ENPEP: variants seen among roughly 807,000 people sequenced by gnomAD.
ENPEP encodes the protein AP-A.
In ENPEP, 103 loss-of-function variants were observed where a neutral mutation model predicts 114.5. The ratio of observed to expected loss-of-function variants is 0.90; its 90% CI spans 0.77 to 1.06. The LOEUF is 1.06. Among genes scored for constraint, ENPEP ranks in the 50% least tolerant of loss-of-function variants. ENPEP has a pLI of 0.00. For synonymous variants in ENPEP, 420 were observed against 422.0 expected (o/e 1.00, Z 0.06); for missense variants, 1,196 against 1,161.3 (o/e 1.03, Z -0.43).
chr4:110,512,203 G>A (rs1725602526), intron 6 of ENPEP, among the ~76,000 whole-genome samples: 1 of 152,170 alleles, frequency 6.6e-6, no homozygotes, highest in African/African-American at 2.4e-5. Context: ...TTATAAGCGA[G>A]CTCAATAAAT....
chr4:110,524,142 C>G lies in ENPEP; in HGVS notation c.1727+3776C>G, dbSNP rs565301673. 4.6e-5 allele frequency among the ~76,000 whole-genome samples: 7 copies of G among 151,836 alleles called. No homozygotes were observed. The East Asian group carries it at 1.2e-3, about 25-fold the overall frequency. ...GTAATATATATATAAGCTCAATCAC[C>G]CTCTTTTAATGGGTAAGTTAATAAA... is the stretch of plus-strand genomic sequence containing the variant. On this transcript the variant is annotated intron_variant, in intron 10 of 19. Coordinates refer to ENST00000265162, the MANE Select transcript of ENPEP (RefSeq NM_001977.4).
Position 110,476,900 on chromosome 4 carries a change from G to A in ENPEP, c.486G>A (p.Glu162=), listed in dbSNP as rs1724132512. The A allele has an allele frequency of 3.7e-6, 6 of 1,614,152 alleles. No individual in the cohort carries two copies. The highest frequency in any genetic ancestry group is 1.6e-4 in the Middle Eastern group (1 of 6,062). ...GDQVQVRRCF[E]YKKQEYVVVE... The stretch of plus-strand genomic sequence containing the variant: ...AGGTGCAAGTCCGGAGGTGTTTCGA[G>A]TACAAAAAGCAGGAGTACGTGGTGG... The change falls in exon 1 of 20, where the codon GAG becomes GAA. Residue 162 remains glutamate (E), a synonymous_variant. Transcript: ENST00000265162.
intron 3 of ENPEP, among the ~76,000 whole-genome samples, chr4:110,495,596 C>T (rs891955184): frequency 2.6e-5 from 4 of 152,098 alleles, no homozygotes; most frequent in African/African-American, 9.7e-5. Context: ...TGGTGTGTGC[C>T]TGTAATCCCA....
chr4:110,513,155 G>A (rs942349418), intron 6 of ENPEP: 7 of 260,786 alleles, frequency 2.7e-5, no homozygotes, highest in African/African-American at 9.0e-5. Context: ...CACAGAAGTC[G>A]CAGAAGCAGA....
intron 1 of ENPEP, among the ~76,000 whole-genome samples, chr4:110,477,433 G>A (rs1578387025): frequency 6.6e-6 from 1 of 152,082 alleles, no homozygotes. Flanking sequence ...TATATATACA[G>A]CAATATATAT....
chr4:110,556,552 G>A (rs536189037), intron 18 of ENPEP, among the ~76,000 whole-genome samples: 4 of 151,850 alleles, frequency 2.6e-5, no homozygotes, highest in Admixed American at 6.6e-5. Context: ...ACAACTATAC[G>A]TAGTGTATTG....
At chr4:110,499,619 A>G (rs948278066) in intron 3 of ENPEP, among the ~76,000 whole-genome samples, 1 of 152,236 alleles carries the variant, frequency 6.6e-6, no homozygotes, top group African/African-American at 2.4e-5. Context: ...ATGATTAACT[A>G]CAGTGGGATT....
intron 3 of ENPEP, among the ~76,000 whole-genome samples, chr4:110,491,559 C>T (rs917896461): frequency 8.6e-5 from 13 of 152,004 alleles, no homozygotes; most frequent in Non-Finnish European, 1.5e-4. Context: ...GAACATCCTT[C>T]GAATGACAAG....
At position 110,476,703 on chromosome 4, in the gene ENPEP, G is replaced by A. The variant is rs534876489; in HGVS notation, c.289G>A (p.Val97Ile). 2.5e-6 allele frequency: 4 copies of A among 1,613,878 alleles called. No individual in the cohort carries two copies. Among genetic ancestry groups the A allele is most frequent in the East Asian group, 2.2e-5 (1 of 44,876 alleles). ...QWKNFRLPDFVNPVHYDLHVK... is the reference protein window; with the variant it reads ...QWKNFRLPDFINPVHYDLHVK... ...GAAAAACTTTCGACTGCCGGACTTCGTCAACCCAGTCCACTACGACCTGCA... is the reference window on the plus strand; with the variant it reads ...GAAAAACTTTCGACTGCCGGACTTCATCAACCCAGTCCACTACGACCTGCA... The change falls in exon 1 of 20, where the codon GTC becomes ATC. Residue 97 changes from valine to isoleucine, a missense_variant. Coordinates refer to ENST00000265162, the MANE Select transcript of ENPEP (RefSeq NM_001977.4).
chr4:110,507,755 C>T (rs568849464), intron 4 of ENPEP, among the ~76,000 whole-genome samples: 44 of 152,328 alleles, frequency 2.9e-4, no homozygotes, highest in African/African-American at 9.4e-4. Context: ...GCGGGCGGAT[C>T]GCTTGAGCCC....
chr4:110,541,894 A>G (rs1262943357), intron 11 of ENPEP, among the ~76,000 whole-genome samples: 1 of 152,168 alleles, frequency 6.6e-6, no homozygotes, highest in Non-Finnish European at 1.5e-5. Flanking sequence ...AACGCTAACG[A>G]ACATGGTTAT....
At chr4:110,519,617 TCCA>T (rs139912675) in intron 8 of ENPEP, 12,737 of 177,402 alleles carry the variant, frequency 0.072, 580 homozygotes, top group East Asian at 0.11. Flanking sequence ...CCCCAATTCA[TCCA>T]CCACCACCAC....
At chr4:110,555,007 GA>G (rs1727422955) in intron 18 of ENPEP, among the ~76,000 whole-genome samples, 1 of 151,892 alleles carries the variant, frequency 6.6e-6, no homozygotes, top group Admixed American at 6.6e-5. Flanking sequence ...TTAAGAAGTA[GA>G]AAAAAATAGG....
At chr4:110,485,460 A>G (rs1333609822) in intron 1 of ENPEP, among the ~76,000 whole-genome samples, 3 of 152,130 alleles carry the variant, frequency 2.0e-5, no homozygotes, top group Admixed American at 1.3e-4. Context: ...ACCCCTTAAC[A>G]TCAGAGCATA....
intron 13 of ENPEP, 137 bp downstream of exon 13, chr4:110,543,207 TTTCC>T: frequency 1.2e-6 from 1 of 830,124 alleles, no homozygotes; most frequent in Non-Finnish European, 1.9e-6. Flanking sequence ...ACATTATTGT[TTTCC>T]TTAACTCTCT....
intron 18 of ENPEP, among the ~76,000 whole-genome samples, chr4:110,553,825 G>T (rs1727379096): frequency 6.6e-6 from 1 of 151,906 alleles, no homozygotes; most frequent in South Asian, 2.1e-4. Context: ...AAAAATTATT[G>T]GACCTGGGTT....
intron 1 of ENPEP, among the ~76,000 whole-genome samples, chr4:110,478,837 A>G (rs996306899): frequency 6.6e-6 from 1 of 152,234 alleles, no homozygotes; most frequent in African/African-American, 2.4e-5. Context: ...TGTTTCTAGT[A>G]TTTTATTATT....
intron 13 of ENPEP, among the ~76,000 whole-genome samples, chr4:110,545,448 C>G (rs1353027160): frequency 1.3e-5 from 2 of 151,982 alleles, no homozygotes; most frequent in African/African-American, 2.4e-5. Context: ...AAAGCTTCTC[C>G]CTGCCCCCAG....
At position 110,515,285 on chromosome 4, in the gene ENPEP, G is replaced by T. The variant is rs550635643; in HGVS notation, c.1444-92G>T. On this transcript the variant is annotated intron_variant, in intron 7 of 19. Transcript: ENST00000265162. Reference sequence around the variant, plus strand: ...CTTGAGGAACTAATCTCACAAATATGATCATGAAATACTAGTTGCAAGAGT... The same window carrying T: ...CTTGAGGAACTAATCTCACAAATATTATCATGAAATACTAGTTGCAAGAGT... 8 of 1,031,568 alleles carry T rather than the reference G, an allele frequency of 7.8e-6. No individual in the cohort carries two copies. In the African/African-American group the frequency reaches 1.3e-4, roughly 17 times the overall value. 63.9% of individuals were successfully genotyped at this position (1,031,568 alleles called of 1,614,324 possible).
Sources: allele counts gnomAD v4.1 joint callset (sites outside exome capture counted in the v4.1 genomes callset), GRCh38; gene constraint gnomAD v4.1.1; transcripts MANE v1.5; gene names NCBI Gene and HGNC (gene_info 2026-07-23, HGNC 2026-07-21).